Variants in NME9 observed in about 807,000 individuals in gnomAD.
NME9 encodes the protein NME/NM23 family member 9, also known as thioredoxin domain-containing protein 6.
In NME9, 48 loss-of-function variants were observed where a neutral mutation model predicts 44.4. The observed-to-expected ratio is 1.08, with a 90% CI of 0.86 to 1.37. The LOEUF (loss-of-function observed/expected upper bound fraction) is 1.37, where lower values mean the gene tolerates loss of function less well. NME9 is among the 40% of genes most tolerant of loss of function. The pLI, the probability that NME9 is intolerant of heterozygous loss-of-function variation, is 0.00. For missense variants in NME9, 325 were observed against 405.2 expected (o/e 0.80, Z 1.70); for synonymous variants, 139 against 147.1 (o/e 0.94, Z 0.40).
chr3:138,276,605 G>C (rs547991777), intron 8 of NME9, among the ~76,000 whole-genome samples: 3 of 152,262 alleles, frequency 2.0e-5, no homozygotes, highest in South Asian at 2.1e-4. Context: ...GATAGAAAAG[G>C]CAGTTGTATT....
intron 8 of NME9, among the ~76,000 whole-genome samples, chr3:138,268,461 C>A (rs921832988): frequency 2.6e-5 from 4 of 152,164 alleles, no homozygotes; most frequent in Non-Finnish European, 5.9e-5. Context: ...TCATCCTTAA[C>A]TGCTCTTATA....
intron 8 of NME9, among the ~76,000 whole-genome samples, chr3:138,295,210 T>A (rs1293173346): frequency 6.6e-6 from 1 of 152,172 alleles, no homozygotes; most frequent in Non-Finnish European, 1.5e-5. Flanking sequence ...ACATTCTATC[T>A]TTTCCTTTCC....
intron 1 of NME9, among the ~76,000 whole-genome samples, chr3:138,327,985 T>C (rs1560142527): frequency 6.6e-6 from 1 of 152,102 alleles, no homozygotes. Flanking sequence ...TAAAGGAGTC[T>C]CATCACAGCT....
At chr3:138,271,506 C>A (rs1367346407) in intron 8 of NME9, among the ~76,000 whole-genome samples, 3 of 152,212 alleles carry the variant, frequency 2.0e-5, no homozygotes, top group Non-Finnish European at 4.4e-5. Flanking sequence ...ACATGCACAA[C>A]TTTAATGTTG....
Position 138,329,827 on chromosome 3 carries a change from G to GC in NME9, c.-493dup, listed in dbSNP as rs1222819425. 2.0e-6 allele frequency: 2 copies of GC among 986,278 alleles called. No individual in the cohort carries two copies. The allele number at this position is 986,278 out of a possible 1,614,324, so 61.1% of individuals were successfully genotyped here. ...CCCGGAGTCACCAACCGAGTCTGCC[G>GC]CGACCTAGCCGCGGTCGTCATGGCA... On this transcript the variant is annotated 5_prime_UTR_variant, in exon 1 of 11. An upstream open reading frame in the 5' UTR gains an earlier in-frame stop. Transcript: ENST00000333911.
In NME9 at chr3:138,323,190, C is replaced by A. The variant is rs536273580; in HGVS notation, c.91+1683G>T. Among the ~76,000 whole-genome samples, 218 of 152,212 alleles carry A rather than the reference C, an allele frequency of 1.4e-3. 1 individual carries two copies. The highest frequency in any genetic ancestry group is 5.1e-3 in the African/African-American group (212 of 41,536). On this transcript the variant is annotated intron_variant, in intron 2 of 10. Coordinates refer to ENST00000333911, the MANE Select transcript of NME9 (RefSeq NM_001349018.2). Reference sequence around the variant, plus strand: ...CAGCACTTTGGGAGGCCCGGGTGGGCGGATCATTTGAGGTCAGGAGTTTGA... The same window carrying A: ...CAGCACTTTGGGAGGCCCGGGTGGGAGGATCATTTGAGGTCAGGAGTTTGA...
chr3:138,279,371 TAAAC>T (rs1237283017), intron 8 of NME9, among the ~76,000 whole-genome samples: 2 of 152,260 alleles, frequency 1.3e-5, no homozygotes, highest in Non-Finnish European at 2.9e-5. Context: ...TTTCAAATGT[TAAAC>T]TAACATATTT....
intron 6 of NME9, among the ~76,000 whole-genome samples, chr3:138,308,959 A>AC (rs1035273278): frequency 6.6e-6 from 1 of 151,148 alleles, no homozygotes; most frequent in African/African-American, 2.4e-5. Context: ...AAAAAAAAAA[A>AC]AAAAAAAAAA....
At position 138,320,114 on chromosome 3, in the gene NME9, TAGAG is replaced by T. The variant is rs79315941; in HGVS notation, c.92-537_92-534del. 8.6e-3 allele frequency among the ~76,000 whole-genome samples: 1,316 copies of T among 152,340 alleles called. 40 individuals are homozygous for T. The East Asian group carries it at 0.093, about 11-fold the overall frequency. Reference sequence around the variant, plus strand: ...TTTTTCTCCCAGAAAGTGAGCCTGATAGAGAGCTAGAGAGAAACTTGGATACCTT... The same window carrying T: ...TTTTTCTCCCAGAAAGTGAGCCTGATAGCTAGAGAGAAACTTGGATACCTT... On this transcript the variant is annotated intron_variant, in intron 2 of 10. Coordinates refer to ENST00000333911, the MANE Select transcript of NME9 (RefSeq NM_001349018.2).
chr3:138,267,354 G>A lies in NME9; in HGVS notation c.746-4768C>T, dbSNP rs60728600. 608 of 589,916 alleles carry A rather than the reference G, an allele frequency of 1.0e-3. 4 individuals carry two copies. The African/African-American group carries it at 0.01, about 10-fold the overall frequency. The allele number at this position is 589,916 out of a possible 1,614,324, so 36.5% of individuals were successfully genotyped here. On this transcript the variant is annotated intron_variant, in intron 8 of 8. Transcript: ENST00000317876. ...GTGGGTTGGGTTTAAAAACTACTTC[G>A]GAATTGTTTGATTGCATAGCGGTAG...
chr3:138,279,525 T>C (rs546526203), intron 8 of NME9, among the ~76,000 whole-genome samples: 1 of 152,324 alleles, frequency 6.6e-6, no homozygotes, highest in African/African-American at 2.4e-5. Context: ...TGTCTTTTTC[T>C]GGTTTTGGTA....
At chr3:138,267,599 C>T (rs2048389747) in intron 8 of NME9, among the ~76,000 whole-genome samples, 1 of 152,010 alleles carries the variant, frequency 6.6e-6, no homozygotes, top group Admixed American at 6.6e-5. Context: ...TTTTGTAAAC[C>T]AGGATTATAA....
chr3:138,318,447 C>G (rs917439386), intron 3 of NME9, among the ~76,000 whole-genome samples: 3 of 152,118 alleles, frequency 2.0e-5, no homozygotes, highest in African/African-American at 7.2e-5. Context: ...CTACCCGCCC[C>G]CCAGCTACTG....
chr3:138,305,861 G>A (rs1577127819), intron 8 of NME9, 143 bp downstream of exon 8: 2 of 667,372 alleles, frequency 3.0e-6, no homozygotes, highest in East Asian at 5.0e-5. Context: ...TTGTCATTCT[G>A]AGAATAAATT....
intron 9 of NME9, among the ~76,000 whole-genome samples, chr3:138,304,539 T>C (rs1391523062): frequency 6.6e-6 from 1 of 152,160 alleles, no homozygotes; most frequent in African/African-American, 2.4e-5. Flanking sequence ...TTGACAGGCT[T>C]GAATGGGGCC....
At chr3:138,264,986 C>T (rs1417638777) in intron 8 of NME9, among the ~76,000 whole-genome samples, 2 of 151,610 alleles carry the variant, frequency 1.3e-5, no homozygotes, top group Admixed American at 6.6e-5. Context: ...CAGCCTTGTG[C>T]CCCCCGGCCC....
chr3:138,300,277 T>C (rs1317757537), downstream of NME9, among the ~76,000 whole-genome samples: 2 of 152,190 alleles, frequency 1.3e-5, no homozygotes, highest in Non-Finnish European at 2.9e-5. Context: ...CTGGCCTTGG[T>C]TCCCAACTGT....
In NME9 at chr3:138,274,429, G is replaced by A; in HGVS notation, c.746-11843C>T. 4 of 1,487,352 alleles carry A rather than the reference G, an allele frequency of 2.7e-6. No homozygotes were observed. The South Asian group carries it at 3.5e-5, about 13-fold the overall frequency. The allele number at this position is 1,487,352 out of a possible 1,614,324, so 92.1% of individuals were successfully genotyped here. ...GGTCTTTGTTTCTTTGATAATTATGGATTTCCCATTGTTTTACAGCATATA... is the reference window on the plus strand; with the variant it reads ...GGTCTTTGTTTCTTTGATAATTATGAATTTCCCATTGTTTTACAGCATATA... On this transcript the variant is annotated intron_variant, in intron 8 of 8. Coordinates refer to the NME9 transcript ENST00000317876.
At chr3:138,314,826 A>G (rs569298180) in intron 5 of NME9, among the ~76,000 whole-genome samples, 35 of 152,332 alleles carry the variant, frequency 2.3e-4, no homozygotes, top group Non-Finnish European at 3.8e-4. Flanking sequence ...TTTTCTTGGG[A>G]AAAATATGAT....
Sources: gnomAD v4.1 joint callset for allele counts (sites outside exome capture counted in the v4.1 genomes callset) on GRCh38, gnomAD v4.1.1 for gene constraint, MANE v1.5 for transcripts, NCBI Gene and HGNC (gene_info 2026-07-23, HGNC 2026-07-21) for gene names.